Variants in SNX13 observed in about 807,000 individuals in gnomAD.
SNX13 encodes the protein sorting nexin 13, also known as sorting nexin-13.
A neutral mutation model predicts 133.6 loss-of-function variants in SNX13; 45 were observed. The observed-to-expected ratio is 0.34, with a 90% CI of 0.27 to 0.43. The LOEUF (loss-of-function observed/expected upper bound fraction) is 0.43, where lower values mean the gene tolerates loss of function less well. SNX13 is among the 20% of genes least tolerant of loss of function. The probability of loss-of-function intolerance (pLI) is 1.00; values close to 1 mark genes in which losing one functional copy is unlikely to be tolerated. For missense variants in SNX13, 1,032 were observed against 1,145.1 expected, an observed-to-expected ratio of 0.90 and a Z score of 1.43; for synonymous variants, 414 against 373.9, an observed-to-expected ratio of 1.11 and a Z score of -1.24.
intron 18 of SNX13, among the ~76,000 whole-genome samples, chr7:17,817,179 ACT>A (rs1276470589): frequency 6.6e-6 from 1 of 152,240 alleles, no homozygotes; most frequent in Admixed American, 6.5e-5. Context: ...TAAGTCTAGC[ACT>A]TATGGACTTA....
rs71010273 is a variant in SNX13 at position 17,801,009 on chromosome 7, CATATATATATATATATAT to C, written c.2298+561_2298+578del. Among the ~76,000 whole-genome samples, 231 of 120,206 alleles carry C rather than the reference CATATATATATATATATAT, an allele frequency of 1.9e-3. 2 individuals are homozygous for C. The highest frequency in any genetic ancestry group is 4.3e-3 in the Admixed American group (47 of 11,006). 78.9% of individuals were successfully genotyped at this position (120,206 alleles called of 152,430 possible). A position where few individuals can be genotyped will look rare whatever the true frequency, so the allele number is the denominator to read the frequency against. On this transcript the variant is annotated intron_variant, in intron 22 of 25. Transcript: ENST00000428135. ...CTTGGCAGTATCTACTAAAACTGAA[CATATATATATATATATAT>C]ATATATATATATATATATATATATA...
chr7:17,846,582 T>G (rs1008433244), intron 11 of SNX13, among the ~76,000 whole-genome samples: 1 of 152,166 alleles, frequency 6.6e-6, no homozygotes, highest in African/African-American at 2.4e-5. Context: ...ATAGGCAGGT[T>G]TACTGTAAAT....
At chr7:17,938,872 A>G (rs961566360) in intron 1 of SNX13, among the ~76,000 whole-genome samples, 2 of 152,232 alleles carry the variant, frequency 1.3e-5, no homozygotes, top group African/African-American at 4.8e-5. Context: ...ACTTAAGGTA[A>G]AAATGAAACT....
chr7:17,829,953 T>A, intron 16 of SNX13, 57 bp downstream of exon 16: 1 of 1,260,806 alleles, frequency 7.9e-7, no homozygotes, highest in Non-Finnish European at 1.1e-6. Flanking sequence ...ATGTTAAGGC[T>A]CAGCCTTTTA....
chr7:17,795,603 G>A (rs983463694), intron 25 of SNX13: 5 of 151,460 alleles, frequency 3.3e-5, no homozygotes, highest in Non-Finnish European at 1.5e-5. Context: ...AACAAACTAC[G>A]TTCCATTTAT....
chr7:17,798,977 T>A, intron 23 of SNX13, 32 bp downstream of exon 23: 1 of 1,590,090 alleles, frequency 6.3e-7, no homozygotes, highest in Non-Finnish European at 8.5e-7. Context: ...CTAAGTAAGA[T>A]CAGATTAAAA....
At chr7:17,908,479 C>A (rs1798620551) in intron 1 of SNX13, among the ~76,000 whole-genome samples, 1 of 152,170 alleles carries the variant, frequency 6.6e-6, no homozygotes, top group Admixed American at 6.5e-5. Flanking sequence ...CCCTCAAGAA[C>A]CAGCTGAAAT....
rs111631052 is a variant in SNX13 at position 17,791,980 on chromosome 7, T to G, written c.*2065A>C. ...CAAATAGTTTTTGGTATGATTGCAG[T>G]TATCTTGCAGGGCTCTATTTTGAAA... On this transcript the variant is annotated 3_prime_UTR_variant, in exon 26 of 26. Transcript: ENST00000428135. 15 of 152,250 alleles carry G rather than the reference T, an allele frequency of 9.9e-5. No homozygotes were observed. The highest frequency in any genetic ancestry group is 3.6e-4 in the African/African-American group (15 of 41,560). 9.4% of individuals were successfully genotyped at this position (152,250 alleles called of 1,614,324 possible).
intron 13 of SNX13, 45 bp downstream of exon 13, chr7:17,839,759 TTAA>T (rs756541167): frequency 1.4e-6 from 2 of 1,467,568 alleles, no homozygotes; most frequent in South Asian, 2.8e-5. Context: ...ACAAAAATTA[TTAA>T]TAATACTGCT....
At chr7:17,798,153 C>T (rs916300503) in intron 24 of SNX13, among the ~76,000 whole-genome samples, 1 of 151,832 alleles carries the variant, frequency 6.6e-6, no homozygotes, top group Non-Finnish European at 1.5e-5. Context: ...CAAGGGACTG[C>T]ATCTTATCTC....
chr7:17,909,963 T>C (rs1218844528), intron 1 of SNX13, among the ~76,000 whole-genome samples: 1 of 152,166 alleles, frequency 6.6e-6, no homozygotes, highest in East Asian at 1.9e-4. Flanking sequence ...ATACAAGAAA[T>C]TGTTTTAGTA....
At chr7:17,796,274 A>C (rs1193431744) in intron 25 of SNX13, 1 of 151,988 alleles carries the variant, frequency 6.6e-6, no homozygotes, top group Non-Finnish European at 1.5e-5. Flanking sequence ...AATGCTACTA[A>C]GTATACTTTG....
At position 17,840,043 on chromosome 7, in the gene SNX13, A is replaced by C. The variant is rs190953441; in HGVS notation, c.1166-43T>G. The C allele has an allele frequency of 8.4e-4, 1,286 of 1,534,068 alleles. 9 individuals are homozygous for C. Among genetic ancestry groups the C allele is most frequent in the Non-Finnish European group, 1.7e-4 (187 of 1,130,100 alleles). On this transcript the variant is annotated intron_variant, in intron 12 of 25. Coordinates refer to ENST00000428135, the MANE Select transcript of SNX13 (RefSeq NM_015132.5). ...ATAATAACATAAATATTAGTGTCAC[A>C]CAATTTGGGGTCCATGTAGTTTTAT... is the stretch of plus-strand genomic sequence containing the variant.
At chr7:17,865,911 T>C (rs1166187315) in intron 9 of SNX13, among the ~76,000 whole-genome samples, 2 of 152,172 alleles carry the variant, frequency 1.3e-5, no homozygotes, top group African/African-American at 2.4e-5. Context: ...CTTTAATAAA[T>C]GGTGCCAAGA....
At chr7:17,876,336 T>C (rs1333781267) in intron 5 of SNX13, among the ~76,000 whole-genome samples, 1 of 152,162 alleles carries the variant, frequency 6.6e-6, no homozygotes, top group African/African-American at 2.4e-5. Flanking sequence ...ATCCCAACAC[T>C]TTGGGAGGCT....
intron 20 of SNX13, among the ~76,000 whole-genome samples, chr7:17,804,986 G>A (rs1018139171): frequency 6.6e-6 from 1 of 152,118 alleles, no homozygotes. Flanking sequence ...CTGTACAAGG[G>A]CTGAGAGTTT....
intron 9 of SNX13, among the ~76,000 whole-genome samples, chr7:17,855,402 A>G (rs1363284968): frequency 6.6e-6 from 1 of 152,196 alleles, no homozygotes; most frequent in Non-Finnish European, 1.5e-5. Context: ...ATATGGAGAA[A>G]AGATGCCATC....
At chr7:17,829,943 A>G in intron 16 of SNX13, 67 bp downstream of exon 16, 1 of 1,136,100 alleles carries the variant, frequency 8.8e-7, no homozygotes, top group Non-Finnish European at 1.2e-6. Flanking sequence ...TTATTTATAT[A>G]TGTTAAGGCT....
chr7:17,830,202 A>C (rs1788332263), intron 15 of SNX13, 155 bp from the exon 16 acceptor site: 4 of 972,920 alleles, frequency 4.1e-6, no homozygotes, highest in South Asian at 9.5e-5. Flanking sequence ...TACTCCCAAA[A>C]ACTTGATCCC....
Sources: allele counts gnomAD v4.1 joint callset (sites outside exome capture counted in the v4.1 genomes callset), GRCh38; gene constraint gnomAD v4.1.1; transcripts MANE v1.5; gene names NCBI Gene and HGNC (gene_info 2026-07-23, HGNC 2026-07-21).